The following F8 variants were observed in gnomAD, a reference collection of about 807,000 sequenced individuals.
F8 encodes antihemophilic factor.
Under a neutral mutation model 140.6 loss-of-function variants are expected in F8, and 12 were observed. That is an observed-to-expected ratio of 0.09 (90% CI 0.05 to 0.14). The LOEUF (loss-of-function observed/expected upper bound fraction) is 0.14, where lower values mean the gene tolerates loss of function less well. F8 is among the 10% of genes least tolerant of loss of function. F8 has a pLI of 1.00. For missense variants in F8, 1,354 were observed against 1,720.7 expected, an observed-to-expected ratio of 0.79 and a Z score of 3.77; for synonymous variants, 585 against 614.6, an observed-to-expected ratio of 0.95 and a Z score of 0.71.
chrX:154,911,404 T>C (rs931107197), intron 14 of F8, among the ~76,000 whole-genome samples: 4 of 109,188 alleles, frequency 3.7e-5, no homozygotes, highest in Admixed American at 1.9e-4. Flanking sequence ...TTCTACTCTC[T>C]ATCTCCGTGA....
chrX:154,914,510 G>A (rs2073085132), intron 14 of F8, among the ~76,000 whole-genome samples: 1 of 112,064 alleles, frequency 8.9e-6, no homozygotes, highest in Admixed American at 9.4e-5. Context: ...AATTTCTTCT[G>A]CCAGATACCC....
chrX:154,891,605 G>A (rs1425281185), intron 22 of F8, among the ~76,000 whole-genome samples: 1 of 112,572 alleles, frequency 8.9e-6, no homozygotes, highest in African/African-American at 3.2e-5. Flanking sequence ...TAGAAAACAA[G>A]AGAGCTAACA....
intron 12 of F8, among the ~76,000 whole-genome samples, chrX:154,949,806 C>G (rs1329200291): frequency 9.2e-6 from 1 of 108,577 alleles, no homozygotes; most frequent in African/African-American, 3.4e-5. Context: ...CTCGGTCTGT[C>G]TGCCAGTCTG....
chrX:154,953,870 A>C, intron 12 of F8, 22 bp downstream of exon 12: 1 of 1,210,929 alleles, frequency 8.3e-7, no homozygotes, highest in Non-Finnish European at 1.1e-6. Flanking sequence ...CACCCACTGG[A>C]CTTAAGTGCT....
chrX:154,858,471 G>A (rs2072665577), intron 25 of F8, among the ~76,000 whole-genome samples: 1 of 112,579 alleles, frequency 8.9e-6, no homozygotes, highest in Admixed American at 9.4e-5. Flanking sequence ...TTCCTGGAAG[G>A]AAACTGAACT....
rs1557280437 is a variant in F8 at position 154,947,852 on chromosome X, C to T, written c.1959G>A (p.Val653=). The T allele has an allele frequency of 8.3e-7, 1 of 1,210,906 alleles. No individual in the cohort carries two copies. Among genetic ancestry groups the T allele is most frequent in the East Asian group, 3.0e-5 (1 of 33,815 alleles). ...SLQLSVCLHE[V]AYWYILSIGA... is the part of the protein sequence containing the mutation. ...CAATGCTTAGAATGTACCAGTATGC[C>T]ACCTCATGCAAACAAACTGACAACT... Residue 653 remains valine, a synonymous_variant, in exon 13 of 26, where the codon GTG becomes GTA. Transcript: ENST00000360256.
chrX:154,967,802 C>A (rs1231989505), intron 7 of F8, among the ~76,000 whole-genome samples: 1 of 111,749 alleles, frequency 8.9e-6, no homozygotes, highest in Non-Finnish European at 1.9e-5. Flanking sequence ...GTTACTCATT[C>A]AGTATGACAC....
chrX:155,011,729 A>T (rs1557286586), intron 1 of F8, among the ~76,000 whole-genome samples: 1 of 112,491 alleles, frequency 8.9e-6, no homozygotes, highest in African/African-American at 3.2e-5. Flanking sequence ...CATAAAAAGG[A>T]GTTAAATTCT....
In F8 at chrX:154,928,761, C is replaced by T. The variant is rs1557278288; in HGVS notation, c.5029G>A (p.Asp1677Asn). The stretch of plus-strand genomic sequence containing the variant: ...TCATCATAGTCAATTTCCTCTTGAT[C>T]TGACTGAAGAGTAGTACGAGTTATT... ...REITRTTLQS[D>N]QEEIDYDDTI... Residue 1677 changes from aspartate (D) to asparagine (N), a missense_variant, in exon 14 of 26, where the codon GAT becomes AAT. By Grantham distance (23) the Asp-to-Asn change is conservative (BLOSUM62 1). Transcript: ENST00000360256. 1 of 1,211,477 alleles carries T rather than the reference C, an allele frequency of 8.3e-7. No homozygotes were observed. The highest frequency in any genetic ancestry group is 2.2e-5 in the Admixed American group (1 of 46,003).
chrX:154,953,397 A>G (rs1370527778), intron 12 of F8, among the ~76,000 whole-genome samples: 1 of 112,160 alleles, frequency 8.9e-6, no homozygotes, highest in Non-Finnish European at 1.9e-5. Context: ...GGAGAAAGCC[A>G]TCTACAAGAC....
intron 21 of F8, chrX:154,897,597 G>A (rs2072988873): frequency 8.9e-6 from 1 of 112,341 alleles, no homozygotes; most frequent in Non-Finnish European, 1.9e-5. Flanking sequence ...TCTTTTCCCA[G>A]ATAGATGGTA....
intron 22 of F8, among the ~76,000 whole-genome samples, chrX:154,874,846 T>G (rs1248849545): frequency 1.8e-5 from 2 of 112,137 alleles, no homozygotes; most frequent in African/African-American, 6.5e-5. Flanking sequence ...CAATCTCACT[T>G]CTGTTATATA....
At chrX:154,903,771 AT>A (rs1557276103) in intron 18 of F8, 134 bp downstream of exon 18, 1 of 522,415 alleles carries the variant, frequency 1.9e-6, no homozygotes, top group African/African-American at 2.3e-5. Flanking sequence ...TTTAAAAAGC[AT>A]TTGAAAAAGT....
intron 10 of F8, among the ~76,000 whole-genome samples, chrX:154,960,558 A>C (rs2073390497): frequency 9.0e-6 from 1 of 110,502 alleles, no homozygotes; most frequent in African/African-American, 3.3e-5. Flanking sequence ...TGAAAATATC[A>C]AACTAGATAC....
chrX:154,872,782 T>C (rs1280387336), intron 22 of F8, among the ~76,000 whole-genome samples: 1 of 111,690 alleles, frequency 9.0e-6, no homozygotes, highest in Non-Finnish European at 1.9e-5. Context: ...ATCATACATG[T>C]AGAAAACTCT....
At chrX:154,870,834 G>T (rs782611388) in intron 22 of F8, among the ~76,000 whole-genome samples, 10 of 111,943 alleles carry the variant, frequency 8.9e-5, no homozygotes, top group African/African-American at 2.9e-4. Flanking sequence ...AAGCTGATAA[G>T]CAACTTCAGT....
At chrX:154,860,372 G>A (rs1234510363) in intron 25 of F8, 60 bp downstream of exon 25, 2 of 1,149,838 alleles carry the variant, frequency 1.7e-6, no homozygotes, top group African/African-American at 3.6e-5. Context: ...GTTATGTTAA[G>A]CTCTAGGAGA....
At chrX:154,957,684 G>A (rs868994881) in intron 10 of F8, among the ~76,000 whole-genome samples, 1 of 110,005 alleles carries the variant, frequency 9.1e-6, no homozygotes, top group Non-Finnish European at 1.9e-5. Context: ...TGAGGAGTTC[G>A]AGACCAGCCT....
intron 6 of F8, among the ~76,000 whole-genome samples, chrX:154,981,375 C>T (rs1414457395): frequency 9.2e-6 from 1 of 108,827 alleles, no homozygotes; most frequent in Non-Finnish European, 1.9e-5. Context: ...CCACTTTGCT[C>T]CACTCAGCAT....
Sources: allele counts gnomAD v4.1 joint callset (sites outside exome capture counted in the v4.1 genomes callset), GRCh38; gene constraint gnomAD v4.1.1; transcripts MANE v1.5; gene names NCBI Gene and HGNC (gene_info 2026-07-23, HGNC 2026-07-21).